Variants in L2HGDH observed in about 807,000 individuals in gnomAD.
L2HGDH encodes L-2-hydroxyglutarate dehydrogenase.
In L2HGDH, 34 loss-of-function variants were observed where a neutral mutation model predicts 51.5. The observed-to-expected ratio is 0.66, with a 90% CI of 0.50 to 0.88. L2HGDH has a LOEUF of 0.88. Ranked by LOEUF, L2HGDH falls within the 40% of genes least tolerant of loss-of-function variation. The pLI, the probability that L2HGDH is intolerant of heterozygous loss-of-function variation, is 0.00. For synonymous variants in L2HGDH, 198 were observed against 197.9 expected (o/e 1.00, Z -0.01); for missense variants, 558 against 571.9 (o/e 0.98, Z 0.25).
At chr14:50,306,703 A>T (rs1406539523) in intron 1 of L2HGDH, among the ~76,000 whole-genome samples, 1 of 151,322 alleles carries the variant, frequency 6.6e-6, no homozygotes, top group Non-Finnish European at 1.5e-5. Flanking sequence ...AGAGTCGGAT[A>T]CCAGTTAACA....
intron 1 of L2HGDH, among the ~76,000 whole-genome samples, chr14:50,307,459 G>C (rs971038729): frequency 2.0e-5 from 3 of 152,214 alleles, no homozygotes; most frequent in African/African-American, 7.2e-5. Flanking sequence ...ATGAATGCTG[G>C]AGGACAGTTG....
At chr14:50,307,771 T>A (rs561646543) in intron 1 of L2HGDH, among the ~76,000 whole-genome samples, 27 of 152,322 alleles carry the variant, frequency 1.8e-4, no homozygotes, top group African/African-American at 5.8e-4. Flanking sequence ...AATATTTCAA[T>A]GTTATTTCTA....
chr14:50,251,334 A>G (rs976673062), intron 9 of L2HGDH, among the ~76,000 whole-genome samples: 1 of 152,122 alleles, frequency 6.6e-6, no homozygotes, highest in African/African-American at 2.4e-5. Flanking sequence ...GAGACAAAAG[A>G]AAAAAGAATA....
Position 50,286,249 on chromosome 14 carries a change from G to T in L2HGDH, c.541-2216C>A, listed in dbSNP as rs552820429. 3.3e-5 allele frequency among the ~76,000 whole-genome samples: 5 copies of T among 152,272 alleles called. No individual in the cohort carries two copies. The South Asian group carries it at 1.0e-3, about 32-fold the overall frequency. ...CAAAATGGCAAAAGCAGACCAGAGG[G>T]CAGAGTAGCAGTGAGGATTTGCCCA... On this transcript the variant is annotated intron_variant, in intron 4 of 9. Transcript: ENST00000267436.
chr14:50,260,589 T>C (rs575160391), intron 9 of L2HGDH, among the ~76,000 whole-genome samples: 2 of 152,322 alleles, frequency 1.3e-5, no homozygotes, highest in Admixed American at 6.5e-5. Context: ...TTCTGTTTTT[T>C]GCTCTGGGAT....
intron 1 of L2HGDH, among the ~76,000 whole-genome samples, chr14:50,310,770 TAAGAA>T (rs1279844872): frequency 2.6e-5 from 4 of 151,942 alleles, no homozygotes; most frequent in Non-Finnish European, 5.9e-5. Context: ...TTTCTTTCCT[TAAGAA>T]AAGCTTCCCA....
chr14:50,296,372 CAAAAA>C (rs59868876), intron 3 of L2HGDH, among the ~76,000 whole-genome samples: 3 of 31,448 alleles, frequency 9.5e-5, no homozygotes, highest in African/African-American at 3.9e-4. Flanking sequence ...GACCCTGTCT[CAAAAA>C]AAAAAAAAAA....
At chr14:50,286,788 G>A (rs1415704163) in intron 4 of L2HGDH, among the ~76,000 whole-genome samples, 3 of 152,136 alleles carry the variant, frequency 2.0e-5, no homozygotes, top group Non-Finnish European at 4.4e-5. Flanking sequence ...TTTCAAGTGG[G>A]GGTTTGTCTC....
At chr14:50,292,740 C>T (rs756360464) in intron 4 of L2HGDH, among the ~76,000 whole-genome samples, 3 of 151,774 alleles carry the variant, frequency 2.0e-5, no homozygotes, top group Non-Finnish European at 4.4e-5. Context: ...CAAAAGTTAG[C>T]CAGGTGTGGT....
At chr14:50,257,643 T>C (rs1888749234) in intron 9 of L2HGDH, among the ~76,000 whole-genome samples, 1 of 152,106 alleles carries the variant, frequency 6.6e-6, no homozygotes, top group African/African-American at 2.4e-5. Context: ...AGTTCTGGGA[T>C]TACAGAAGTG....
chr14:50,274,297 G>C (rs1207639568), intron 6 of L2HGDH, among the ~76,000 whole-genome samples: 1 of 151,260 alleles, frequency 6.6e-6, no homozygotes, highest in Non-Finnish European at 1.5e-5. Flanking sequence ...GGGGAGTGGG[G>C]GGGCCAAGGA....
intron 9 of L2HGDH, among the ~76,000 whole-genome samples, chr14:50,253,648 TAG>T (rs1486225161): frequency 6.6e-6 from 1 of 152,036 alleles, no homozygotes; most frequent in Non-Finnish European, 1.5e-5. Context: ...AAGCTAAAGA[TAG>T]AGTTACATGA....
At chr14:50,271,895 C>T (rs940285653) in intron 6 of L2HGDH, among the ~76,000 whole-genome samples, 1 of 152,146 alleles carries the variant, frequency 6.6e-6, no homozygotes, top group Non-Finnish European at 1.5e-5. Context: ...AATCCCAGCA[C>T]TCTGGGAGGC....
At chr14:50,284,519 G>A (rs1890454756) in intron 4 of L2HGDH, among the ~76,000 whole-genome samples, 1 of 152,164 alleles carries the variant, frequency 6.6e-6, no homozygotes, top group African/African-American at 2.4e-5. Flanking sequence ...CTAAAGACAT[G>A]TCCAAATCAA....
chr14:50,303,073 C>T, intron 1 of L2HGDH, 56 bp from the exon 2 acceptor site: 5 of 1,037,686 alleles, frequency 4.8e-6, no homozygotes, highest in Non-Finnish European at 7.6e-6. Context: ...CCTCGCCAAA[C>T]TTCACATGCA....
chr14:50,294,284 G>A (rs1296626257), intron 3 of L2HGDH, 38 bp from the exon 4 acceptor site: 1 of 1,595,886 alleles, frequency 6.3e-7, no homozygotes, highest in Non-Finnish European at 8.5e-7. Flanking sequence ...GGATAGAGGT[G>A]AATGTATCAT....
At position 50,301,997 on chromosome 14, in the gene L2HGDH, G is replaced by T; in HGVS notation, c.408+20C>A. On this transcript the variant is annotated intron_variant, in intron 3 of 9. Coordinates refer to ENST00000267436, the MANE Select transcript of L2HGDH (RefSeq NM_024884.3). ...AAATGCTAGTTGGAAATTAGTCAAG[G>T]CTCTAATAAAATGCCATACCTTGCC... The T allele has an allele frequency of 6.2e-7, 1 of 1,612,980 alleles. No individual in the cohort carries two copies.
At chr14:50,271,510 A>G (rs953726798) in intron 6 of L2HGDH, among the ~76,000 whole-genome samples, 6 of 152,224 alleles carry the variant, frequency 3.9e-5, no homozygotes, top group African/African-American at 1.4e-4. Flanking sequence ...CCAAATTAAA[A>G]TTTAGGTAAC....
chr14:50,302,110 A>G lies in L2HGDH; in HGVS notation c.315T>C (p.Pro105=). Residue 105 remains proline, a synonymous_variant, in exon 3 of 10, where the codon CCT becomes CCC. Coordinates refer to ENST00000267436, the MANE Select transcript of L2HGDH (RefSeq NM_024884.3). Reference sequence around the variant, plus strand: ...CACATAATTTGGCTTTCAGAGACTCAGGTTTATAATAAATTCCACTATGTA... The same window carrying G: ...CACATAATTTGGCTTTCAGAGACTCGGGTTTATAATAAATTCCACTATGTA... ...GVIHSGIYYK[P]ESLKAKLCVQ... is the part of the protein sequence containing the mutation. 6.2e-7 allele frequency: 1 copy of G among 1,614,096 alleles called. No individual in the cohort carries two copies. Among genetic ancestry groups the G allele is most frequent in the Non-Finnish European group, 8.5e-7 (1 of 1,179,970 alleles).
Sources: allele counts gnomAD v4.1 joint callset (sites outside exome capture counted in the v4.1 genomes callset), GRCh38; gene constraint gnomAD v4.1.1; transcripts MANE v1.5; gene names NCBI Gene and HGNC (gene_info 2026-07-23, HGNC 2026-07-21).